TPRG1: variants seen among roughly 807,000 people sequenced by gnomAD.
TPRG1 encodes the protein tumor protein p63 regulated 1.
Under a neutral mutation model 29.3 loss-of-function variants are expected in TPRG1, and 29 were observed. That is an observed-to-expected ratio of 0.99 (90% CI 0.74 to 1.35). The LOEUF (loss-of-function observed/expected upper bound fraction) is 1.35. TPRG1 is among the 40% of genes most tolerant of loss of function. The pLI is 0.00. For missense variants in TPRG1, 327 were observed against 335.0 expected, an observed-to-expected ratio of 0.98 and a Z score of 0.19; for synonymous variants, 130 against 116.8, an observed-to-expected ratio of 1.11 and a Z score of -0.73.
In TPRG1 at chr3:189,215,333, C is replaced by A; in HGVS notation, c.252C>A (p.His84Gln). 1 of 1,611,914 alleles carries A rather than the reference C, an allele frequency of 6.2e-7. No homozygotes were observed. The highest frequency in any genetic ancestry group is 1.7e-5 in the Admixed American group (1 of 59,612). The change falls in exon 3 of 6, where the codon CAC becomes CAA. Residue 84 changes from histidine (H) to glutamine (Q), a missense_variant. By Grantham distance (24) the His-to-Gln change is conservative (BLOSUM62 0). Coordinates refer to ENST00000345063, the MANE Select transcript of TPRG1 (RefSeq NM_198485.4). ...CTGCCATGGAAGACTTGAAAGGTCA[C>A]GTAGCTGAGACTTCTGGAGAGACCA... is the stretch of plus-strand genomic sequence containing the variant. ...IETAMEDLKGHVAETSGETIQ... is the reference protein window; with the variant it reads ...IETAMEDLKGQVAETSGETIQ...
rs534962341 is a variant in TPRG1, at chr3:189,089,088, G to C, written c.-462-37969G>C. Among the ~76,000 whole-genome samples, 3 of 151,712 alleles carry C rather than the reference G, an allele frequency of 2.0e-5. No homozygotes were observed. The East Asian group carries it at 5.8e-4, about 29-fold the overall frequency. On this transcript the variant is annotated intron_variant, in intron 4 of 10. Coordinates refer to the TPRG1 transcript ENST00000433971. ...ATTTGTTTTAGGATTTTTTTCATCT[G>C]TGTTCTTAAGTCCAATTGAATGATT...
At position 189,032,866 on chromosome 3, in the gene TPRG1, C is replaced by A. The variant is rs150185529; in HGVS notation, c.-463+8920C>A. The stretch of plus-strand genomic sequence containing the variant: ...TGCGGTGTTTGGTTTTTTGTCCTTG[C>A]GATAGTTTACTGAGAATGATGATTT... On this transcript the variant is annotated intron_variant, in intron 4 of 10. Transcript: ENST00000433971. Among the ~76,000 whole-genome samples the A allele has an allele frequency of 6.0e-3, 902 of 149,640 alleles. 10 individuals are homozygous for A. Among genetic ancestry groups the A allele is most frequent in the African/African-American group, 0.02 (800 of 40,672 alleles).
intron 5 of TPRG1, among the ~76,000 whole-genome samples, chr3:189,162,415 T>C (rs1727610540): frequency 6.6e-6 from 1 of 152,184 alleles, no homozygotes; most frequent in African/African-American, 2.4e-5. Flanking sequence ...GGAATAAGGG[T>C]GAAGCACTGT....
intron 4 of TPRG1, among the ~76,000 whole-genome samples, chr3:189,066,596 C>T (rs1164008640): frequency 6.6e-6 from 1 of 151,252 alleles, no homozygotes; most frequent in Admixed American, 6.6e-5. Context: ...GCTGAAAAAG[C>T]GTTTGATACA....
Position 189,254,782 on chromosome 3 carries a change from C to A in TPRG1, c.479+15873C>A, listed in dbSNP as rs150278158. Among the ~76,000 whole-genome samples, 507 of 152,196 alleles carry A rather than the reference C, an allele frequency of 3.3e-3. 2 individuals are homozygous for A. Among genetic ancestry groups the A allele is most frequent in the African/African-American group, 0.012 (487 of 41,526 alleles). Reference sequence around the variant, plus strand: ...CTAGGTATTTTATTCTCTTTTGTAGCAATTGTGATTCAGAGTTTGCTCATG... The same window carrying A: ...CTAGGTATTTTATTCTCTTTTGTAGAAATTGTGATTCAGAGTTTGCTCATG... On this transcript the variant is annotated intron_variant, in intron 4 of 5. Coordinates refer to ENST00000345063, the MANE Select transcript of TPRG1 (RefSeq NM_198485.4).
At chr3:189,141,834 G>A (rs1724611973) in intron 3 of TPRG1, among the ~76,000 whole-genome samples, 1 of 152,192 alleles carries the variant, frequency 6.6e-6, no homozygotes, top group South Asian at 2.1e-4. Context: ...TGTGACAAGT[G>A]TAATGAAGGA....
At chr3:189,272,725 T>TTTCTTTC (rs1560633471) in intron 4 of TPRG1, among the ~76,000 whole-genome samples, 29 of 143,768 alleles carry the variant, frequency 2.0e-4, no homozygotes, top group African/African-American at 7.9e-4. Flanking sequence ...CCTTCCTTCC[T>TTTCTTTC]TCCTTCCTTC....
At chr3:189,098,648 G>C (rs1229633200), upstream of TPRG1, among the ~76,000 whole-genome samples, 1 of 152,036 alleles carries the variant, frequency 6.6e-6, no homozygotes, top group African/African-American at 2.4e-5. Context: ...TCTTTACCAA[G>C]CTGGATGAAG....
chr3:189,106,658 T>A (rs964544491), intron 1 of TPRG1, among the ~76,000 whole-genome samples: 16 of 152,290 alleles, frequency 1.1e-4, no homozygotes, highest in Admixed American at 5.9e-4. Flanking sequence ...CATGAATGAA[T>A]AAATGACTAT....
At chr3:189,261,162 G>T (rs1488967518) in intron 4 of TPRG1, among the ~76,000 whole-genome samples, 1 of 152,184 alleles carries the variant, frequency 6.6e-6, no homozygotes, top group Non-Finnish European at 1.5e-5. Flanking sequence ...CCCAAGGGTT[G>T]CATAACTCCA....
At chr3:189,072,309 T>C (rs1293493161) in intron 4 of TPRG1, among the ~76,000 whole-genome samples, 1 of 152,174 alleles carries the variant, frequency 6.6e-6, no homozygotes, top group Non-Finnish European at 1.5e-5. Flanking sequence ...GAATCCAATC[T>C]AGAGTCATGA....
chr3:189,081,575 GA>G (rs1250848979), intron 4 of TPRG1, among the ~76,000 whole-genome samples: 1 of 152,180 alleles, frequency 6.6e-6, no homozygotes, highest in East Asian at 1.9e-4. Flanking sequence ...AAATGATACA[GA>G]AAAGTTGATA....
intron 4 of TPRG1, among the ~76,000 whole-genome samples, chr3:189,289,081 T>G (rs1389852879): frequency 6.6e-6 from 1 of 152,238 alleles, no homozygotes; most frequent in Admixed American, 6.5e-5. Flanking sequence ...CTTGTCTGAT[T>G]GCTGAGTGAT....
At chr3:189,034,478 T>G (rs1212399790) in intron 4 of TPRG1, among the ~76,000 whole-genome samples, 1 of 152,188 alleles carries the variant, frequency 6.6e-6, no homozygotes, top group Non-Finnish European at 1.5e-5. Flanking sequence ...AATCATAGAT[T>G]TAATATATTG....
intron 4 of TPRG1, among the ~76,000 whole-genome samples, chr3:189,051,349 TAAAC>T (rs1715307491): frequency 6.6e-6 from 1 of 151,392 alleles, no homozygotes. Context: ...GCAAAACAAA[TAAAC>T]AAACAAAAAA....
At chr3:189,080,298 G>C (rs905060742) in intron 4 of TPRG1, among the ~76,000 whole-genome samples, 1 of 152,096 alleles carries the variant, frequency 6.6e-6, no homozygotes, top group African/African-American at 2.4e-5. Flanking sequence ...AGAGAACAAA[G>C]ACCACTCCTC....
At chr3:189,315,664 T>C in intron 5 of TPRG1, 1 of 323,206 alleles carries the variant, frequency 3.1e-6, no homozygotes, top group Admixed American at 4.3e-5. Context: ...AACCAATGTT[T>C]TAGCAATTAA....
intron 3 of TPRG1, among the ~76,000 whole-genome samples, chr3:189,011,839 G>A (rs1261267287): frequency 1.3e-5 from 2 of 152,154 alleles, no homozygotes; most frequent in African/African-American, 4.8e-5. Context: ...CCTTGAAGAG[G>A]TCCTTCACTT....
Position 189,023,218 on chromosome 3 carries a change from G to C in TPRG1, c.-659-532G>C, listed in dbSNP as rs375545565. 4.5e-4 allele frequency among the ~76,000 whole-genome samples: 68 copies of C among 152,276 alleles called. No individual in the cohort carries two copies. In the South Asian group the frequency reaches 1.0e-2, roughly 22 times the overall value. On this transcript the variant is annotated intron_variant, in intron 3 of 10. Coordinates refer to the TPRG1 transcript ENST00000433971. ...TCGCTCACGCTGGGAGCTGCAGACC[G>C]GAGCTGTTCCTATTCGGCCATCTTG...
Sources: gnomAD v4.1 joint callset for allele counts (sites outside exome capture counted in the v4.1 genomes callset) on GRCh38, gnomAD v4.1.1 for gene constraint, MANE v1.5 for transcripts, NCBI Gene and HGNC (gene_info 2026-07-23, HGNC 2026-07-21) for gene names.